Variants in SPRED3 observed in about 807,000 individuals in gnomAD.
SPRED3 encodes the protein sprouty-related, EVH1 domain-containing protein 3.
SPRED3 carries 23 observed loss-of-function variants against 37.6 expected under a neutral mutation model. That is an observed-to-expected ratio of 0.61 (90% CI 0.44 to 0.87). SPRED3 has a LOEUF of 0.87. Ranked by LOEUF, SPRED3 falls within the 40% of genes least tolerant of loss-of-function variation. SPRED3 has a pLI of 0.00. For synonymous variants in SPRED3, 302 were observed against 279.6 expected (o/e 1.08, Z -0.80); for missense variants, 584 against 618.6 (o/e 0.94, Z 0.59).
chr19:38,392,949 C>T (rs1450419921), intron 4 of SPRED3, among the ~76,000 whole-genome samples: 1 of 152,220 alleles, frequency 6.6e-6, no homozygotes, highest in African/African-American at 2.4e-5. Flanking sequence ...TCAGAAGCCT[C>T]CCAGGGCTCC....
chr19:38,392,026 C>T lies in SPRED3; in HGVS notation c.258C>T (p.Asp86=), dbSNP rs765445138. ...NPIFHHWSLG[D]CKFGLTFQSP... ...TCTTTCACCACTGGAGCCTGGGTGA[C>T]TGCAAGTTTGGACTGACGTTTCAGA... Residue 86 remains aspartate (D), a synonymous_variant, in exon 3 of 6, where the codon GAC becomes GAT. Coordinates refer to ENST00000691638, the MANE Select transcript of SPRED3 (RefSeq NM_001394336.1). 1 of 1,614,210 alleles carries T rather than the reference C, an allele frequency of 6.2e-7. No individual in the cohort carries two copies. Among genetic ancestry groups the T allele is most frequent in the Non-Finnish European group, 8.5e-7 (1 of 1,180,044 alleles).
In SPRED3 at chr19:38,390,422, G is replaced by C. The variant is rs1970814063; in HGVS notation, c.120G>C (p.Glu40Asp). Residue 40 changes from glutamate (E) to aspartate (D), a missense_variant, in exon 2 of 6, where the codon GAG (glutamate) becomes GAC (aspartate). Transcript: ENST00000691638. ...SVCRVRGARPEGGARQGHYVI... is the reference protein window; with the variant it reads ...SVCRVRGARPDGGARQGHYVI... ...GTCGGGTCCGAGGGGCCAGGCCCGA[G>C]GGGGGGGCCCGCCAGGGGCACTACG... The C allele has an allele frequency of 5.8e-6, 8 of 1,387,004 alleles. No individual in the cohort carries two copies. The highest frequency in any genetic ancestry group is 7.5e-6 in the Non-Finnish European group (8 of 1,066,242). The allele number at this position is 1,387,004 out of a possible 1,614,324, so 85.9% of individuals were successfully genotyped here.
In SPRED3 at chr19:38,394,256, G is replaced by T. The variant is rs551227414; in HGVS notation, c.424-387G>T. On this transcript the variant is annotated intron_variant, in intron 4 of 5. Coordinates refer to ENST00000691638, the MANE Select transcript of SPRED3 (RefSeq NM_001394336.1). ...GAGGAAGGCAGCTGGCTGCCCAGGG[G>T]AGAGGGATTCTGAGAAGCGGGAAGA... 7 of 1,376,918 alleles carry T rather than the reference G, an allele frequency of 5.1e-6. No individual in the cohort carries two copies. The East Asian group carries it at 3.0e-4, about 60-fold the overall frequency. The allele number at this position is 1,376,918 out of a possible 1,614,324, so 85.3% of individuals were successfully genotyped here.
chr19:38,393,865 C>A (rs1165393022), intron 4 of SPRED3, among the ~76,000 whole-genome samples: 1 of 152,248 alleles, frequency 6.6e-6, no homozygotes, highest in South Asian at 2.1e-4. Context: ...CCTGGAGGAA[C>A]AAAACTGATT....
Position 38,396,782 on chromosome 19 carries a change from C to G in SPRED3, c.*637C>G, listed in dbSNP as rs561355036. On this transcript the variant is annotated 3_prime_UTR_variant, in exon 6 of 6. Coordinates refer to ENST00000691638, the MANE Select transcript of SPRED3 (RefSeq NM_001394336.1). ...TGCTCTGGAATCTCCAGATGCTGCC[C>G]CTCAAATCTACCCACGACTTAGTGC... 6.6e-6 allele frequency: 1 copy of G among 152,178 alleles called. No individual in the cohort carries two copies. The highest frequency in any genetic ancestry group is 2.4e-5 in the African/African-American group (1 of 41,512). 9.4% of individuals were successfully genotyped at this position (152,178 alleles called of 1,614,324 possible).
At chr19:38,394,420 T>A (rs1970868123) in intron 4 of SPRED3, 4 of 1,522,362 alleles carry the variant, frequency 2.6e-6, no homozygotes, top group Non-Finnish European at 1.8e-6. Flanking sequence ...CGCATCCTTA[T>A]GAATAGGTAC....
rs765596430 is a variant in SPRED3 at position 38,394,832 on chromosome 19, C to T, written c.567+46C>T. Reference sequence around the variant, plus strand: ...GCTCCTGGGGGAATGGGGCGGTGCACTCGGGGCCCGAAGGGAGCGGGAGCC... The same window carrying T: ...GCTCCTGGGGGAATGGGGCGGTGCATTCGGGGCCCGAAGGGAGCGGGAGCC... On this transcript the variant is annotated intron_variant, in intron 5 of 5. Transcript: ENST00000691638. The T allele has an allele frequency of 2.0e-6, 3 of 1,491,164 alleles. No individual in the cohort carries two copies. In the African/African-American group the frequency reaches 4.2e-5, roughly 21 times the overall value. 92.4% of individuals were successfully genotyped at this position (1,491,164 alleles called of 1,614,324 possible). A position where few individuals can be genotyped will look rare whatever the true frequency, so the allele number is the denominator to read the frequency against.
At chr19:38,394,507 A>G in intron 4 of SPRED3, 136 bp from the exon 5 acceptor site, 1 of 1,534,682 alleles carries the variant, frequency 6.5e-7, no homozygotes, top group East Asian at 2.2e-5. Context: ...TCACACAACC[A>G]GTCAGTGACA....
Position 38,396,280 on chromosome 19 carries a change from C to T in SPRED3, c.*135C>T, listed in dbSNP as rs1970897213. 1 of 639,202 alleles carries T rather than the reference C, an allele frequency of 1.6e-6. No individual in the cohort carries two copies. The highest frequency in any genetic ancestry group is 4.6e-5 in the Admixed American group (1 of 21,588). The allele number at this position is 639,202 out of a possible 1,614,324, so 39.6% of individuals were successfully genotyped here. On this transcript the variant is annotated 3_prime_UTR_variant, in exon 6 of 6. Transcript: ENST00000691638. ...AGCTTGAGTTTGGATTGAGAGATCT[C>T]AGACCTGGAACCTGGAACCCAAACC...
chr19:38,395,421 T>G lies in SPRED3; in HGVS notation c.568-59T>G. On this transcript the variant is annotated intron_variant, in intron 5 of 5. Coordinates refer to ENST00000691638, the MANE Select transcript of SPRED3 (RefSeq NM_001394336.1). The surrounding 1 kb of genome is among the most constrained non-coding windows in gnomAD (Gnocchi z 5.2). ...CAGACCCAAGAGTGCGCTAGGGAAC[T>G]GGATCCTTGAGGCTAAGACTGGGAT... is the stretch of plus-strand genomic sequence containing the variant. The G allele has an allele frequency of 7.3e-7, 1 of 1,366,090 alleles. No homozygotes were observed. Among genetic ancestry groups the G allele is most frequent in the Non-Finnish European group, 9.5e-7 (1 of 1,050,698 alleles). 84.6% of individuals were successfully genotyped at this position (1,366,090 alleles called of 1,614,324 possible).
intron 2 of SPRED3, among the ~76,000 whole-genome samples, chr19:38,391,352 A>G (rs1040306729): frequency 2.6e-5 from 4 of 151,530 alleles, no homozygotes; most frequent in African/African-American, 9.7e-5. Context: ...GAGAGAGAGA[A>G]TATTTTTTGG....
chr19:38,390,606 G>A, intron 2 of SPRED3, 127 bp downstream of exon 2: 1 of 719,036 alleles, frequency 1.4e-6, no homozygotes, highest in Non-Finnish European at 2.0e-6. Flanking sequence ...AAGTTTGGGA[G>A]TGAATATCTG....
intron 2 of SPRED3, 21 bp downstream of exon 2, chr19:38,390,500 CG>C: frequency 2.8e-6 from 2 of 711,890 alleles, no homozygotes; most frequent in Non-Finnish European, 3.7e-6. Context: ...CTGGGGCATG[CG>C]GGGAGGGTAG....
chr19:38,394,812 T>TG, intron 5 of SPRED3, 26 bp downstream of exon 5: 1 of 1,524,062 alleles, frequency 6.6e-7, no homozygotes, highest in Admixed American at 2.1e-5. Flanking sequence ...CTGGGGCTCC[T>TG]GGGGGAATGG....
Position 38,394,818 on chromosome 19 carries a change from A to G in SPRED3, c.567+32A>G, listed in dbSNP as rs1269595076. 2.0e-6 allele frequency: 3 copies of G among 1,518,532 alleles called. No homozygotes were observed. In the Admixed American group the frequency reaches 6.4e-5, roughly 32 times the overall value. 94.1% of individuals were successfully genotyped at this position (1,518,532 alleles called of 1,614,324 possible). A position where few individuals can be genotyped will look rare whatever the true frequency, so the allele number is the denominator to read the frequency against. ...CCTGGGAGCCTGGGGCTCCTGGGGG[A>G]ATGGGGCGGTGCACTCGGGGCCCGA... On this transcript the variant is annotated intron_variant, in intron 5 of 5. Transcript: ENST00000691638.
chr19:38,390,872 G>A (rs1407160978), intron 2 of SPRED3, among the ~76,000 whole-genome samples: 1 of 150,584 alleles, frequency 6.6e-6, no homozygotes, highest in Non-Finnish European at 1.5e-5. Flanking sequence ...GCCCCTGTCT[G>A]CCCTAAGTAT....
At chr19:38,394,550 G>C in intron 4 of SPRED3, 93 bp from the exon 5 acceptor site, 1 of 1,555,554 alleles carries the variant, frequency 6.4e-7, no homozygotes, top group East Asian at 2.3e-5. Context: ...CTTCCTGGCC[G>C]CAGAGCCCTC....
intron 4 of SPRED3, chr19:38,394,209 C>G (rs1970865255): frequency 4.8e-6 from 6 of 1,251,422 alleles, no homozygotes; most frequent in Non-Finnish European, 6.3e-6. Flanking sequence ...GCCCCAATAA[C>G]AGTGTGGGGC....
intron 4 of SPRED3, chr19:38,392,581 T>A (rs1047014788): frequency 8.7e-6 from 3 of 342,998 alleles, no homozygotes; most frequent in African/African-American, 6.3e-5. Context: ...GAGCTTCTAT[T>A]CTAGTGTGGA....
Sources: allele counts gnomAD v4.1 joint callset (sites outside exome capture counted in the v4.1 genomes callset), GRCh38; gene constraint gnomAD v4.1.1; non-coding constraint Gnocchi (gnomAD v3.1); transcripts MANE v1.5; gene names NCBI Gene and HGNC (gene_info 2026-07-23, HGNC 2026-07-21).